The following LAMB1 variants were observed in gnomAD, a reference collection of about 807,000 sequenced individuals.
The protein encoded by LAMB1 is laminin subunit beta 1.
Under a neutral mutation model 222.3 loss-of-function variants are expected in LAMB1, and 121 were observed. The observed-to-expected ratio is 0.54, with a 90% CI of 0.47 to 0.63. The LOEUF is 0.63. Ranked by LOEUF, LAMB1 falls within the 30% of genes least tolerant of loss-of-function variation. The pLI, the probability that LAMB1 is intolerant of heterozygous loss-of-function variation, is 0.00. For synonymous variants in LAMB1, 794 were observed against 807.2 expected, an observed-to-expected ratio of 0.98 and a Z score of 0.28; for missense variants, 2,172 against 2,240.8, an observed-to-expected ratio of 0.97 and a Z score of 0.62.
intron 13 of LAMB1, among the ~76,000 whole-genome samples, chr7:107,968,296 T>C (rs182480362): frequency 3.5e-4 from 54 of 152,314 alleles, no homozygotes; most frequent in African/African-American, 1.3e-3. Context: ...TTCTTATGTA[T>C]TCTCTACAAA....
intron 22 of LAMB1, among the ~76,000 whole-genome samples, chr7:107,953,185 C>A (rs1043461264): frequency 6.6e-6 from 1 of 151,992 alleles, no homozygotes; most frequent in Non-Finnish European, 1.5e-5. Flanking sequence ...GGTGAAACCC[C>A]GTCTCTATTA....
chr7:107,998,443 G>A lies in LAMB1; in HGVS notation c.263C>T (p.Thr88Ile), dbSNP rs1354743094. 1 of 1,613,752 alleles carries A rather than the reference G, an allele frequency of 6.2e-7. No homozygotes were observed. Among genetic ancestry groups the A allele is most frequent in the Non-Finnish European group, 8.5e-7 (1 of 1,179,722 alleles). ...ICNSQDPYHETLNPDSHLIEN... is the reference protein window; with the variant it reads ...ICNSQDPYHEILNPDSHLIEN... Reference sequence around the variant, plus strand: ...AATGAGATGGCTGTCAGGATTCAGGGTCTCATGATAAGGATCTTGGGAATT... The same window carrying A: ...AATGAGATGGCTGTCAGGATTCAGGATCTCATGATAAGGATCTTGGGAATT... The change falls in exon 4 of 34, where the codon ACC (threonine) becomes ATC (isoleucine). Residue 88 changes from threonine to isoleucine, a missense_variant. Physicochemically the swap from Thr to Ile is moderately conservative, Grantham distance 89. Transcript: ENST00000222399.
chr7:107,950,731 C>T (rs933031869), intron 24 of LAMB1, among the ~76,000 whole-genome samples: 2 of 152,158 alleles, frequency 1.3e-5, no homozygotes, highest in African/African-American at 2.4e-5. Context: ...CTTAAACTGT[C>T]AACAGAGTCT....
chr7:107,995,593 ATCT>A (rs2034266765), intron 4 of LAMB1, among the ~76,000 whole-genome samples: 1 of 152,212 alleles, frequency 6.6e-6, no homozygotes, highest in South Asian at 2.1e-4. Context: ...AAATACTAAC[ATCT>A]TCTCTTTCAG....
chr7:107,938,323 TATAC>T (rs2032898828), intron 25 of LAMB1, among the ~76,000 whole-genome samples: 1 of 152,204 alleles, frequency 6.6e-6, no homozygotes, highest in African/African-American at 2.4e-5. Context: ...CTGAGGCTAA[TATAC>T]ATAGTTTCTT....
chr7:107,945,306 G>A (rs1392241511), intron 24 of LAMB1, among the ~76,000 whole-genome samples: 1 of 152,152 alleles, frequency 6.6e-6, no homozygotes, highest in Non-Finnish European at 1.5e-5. Flanking sequence ...TGCCACAATG[G>A]GAAATAGTCT....
rs530406589 is a variant in LAMB1 at position 107,964,741 on chromosome 7, C to T, written c.1563-54G>A. On this transcript the variant is annotated intron_variant, in intron 13 of 33. Coordinates refer to ENST00000222399, the MANE Select transcript of LAMB1 (RefSeq NM_002291.3). The stretch of plus-strand genomic sequence containing the variant: ...GAGTTCATGGTCACGCGAGTCAACC[C>T]GCCAGAAGCAGCTCTACAGCTGCCA... The T allele has an allele frequency of 5.0e-4, 806 of 1,602,194 alleles. 2 individuals are homozygous for T. The South Asian group carries it at 6.9e-3, about 14-fold the overall frequency.
At chr7:107,924,953 T>G (rs1425477346) in intron 32 of LAMB1, among the ~76,000 whole-genome samples, 2 of 152,216 alleles carry the variant, frequency 1.3e-5, no homozygotes, top group African/African-American at 4.8e-5. Context: ...TTATGGAAAT[T>G]TCATTTCAAG....
chr7:107,974,495 T>C (rs1241232768), intron 12 of LAMB1, among the ~76,000 whole-genome samples: 1 of 151,922 alleles, frequency 6.6e-6, no homozygotes, highest in Non-Finnish European at 1.5e-5. Flanking sequence ...TCTTCTGCTA[T>C]GATTAATAAA....
chr7:107,954,687 A>G (rs1282770253), intron 21 of LAMB1, among the ~76,000 whole-genome samples: 1 of 152,156 alleles, frequency 6.6e-6, no homozygotes, highest in Non-Finnish European at 1.5e-5. Flanking sequence ...GCTACTCGGG[A>G]GGCTGAGGCT....
chr7:107,944,745 A>G (rs1030742053), intron 24 of LAMB1, among the ~76,000 whole-genome samples: 9 of 152,234 alleles, frequency 5.9e-5, no homozygotes, highest in African/African-American at 2.2e-4. Context: ...AAACTCCCAC[A>G]CTCACGTGGC....
chr7:107,955,668 C>T (rs550918313), intron 20 of LAMB1, 38 bp from the exon 21 acceptor site: 3 of 1,564,512 alleles, frequency 1.9e-6, no homozygotes, highest in African/African-American at 1.4e-5. Context: ...CATGACCCCA[C>T]AGTTCTAAGA....
chr7:107,973,194 A>G lies in LAMB1; in HGVS notation c.1483-123T>C, dbSNP rs573165221. The G allele has an allele frequency of 3.3e-5, 27 of 807,100 alleles. No individual in the cohort carries two copies. In the East Asian group the frequency reaches 7.1e-4, roughly 21 times the overall value. The allele number at this position is 807,100 out of a possible 1,614,324, so 50.0% of individuals were successfully genotyped here. On this transcript the variant is annotated intron_variant, in intron 12 of 33. Coordinates refer to ENST00000222399, the MANE Select transcript of LAMB1 (RefSeq NM_002291.3). ...AAATGCTCATTTTCATCATTAAAGC[A>G]GAAAGCCAACAAAAGGAAGGAGTAT... is the stretch of plus-strand genomic sequence containing the variant.
intron 25 of LAMB1, among the ~76,000 whole-genome samples, chr7:107,937,565 C>T (rs1017560970): frequency 2.0e-5 from 3 of 152,176 alleles, no homozygotes; most frequent in Admixed American, 6.5e-5. Context: ...AAGATGAGCA[C>T]AGGTCAGAGT....
intron 18 of LAMB1, 136 bp from the exon 19 acceptor site, chr7:107,959,970 A>C (rs2033462059): frequency 8.2e-7 from 1 of 1,216,164 alleles, no homozygotes. Flanking sequence ...GATGAGCGGA[A>C]GGGAAGAAAG....
rs2033465004 is a variant in LAMB1 at position 107,960,088 on chromosome 7, CAGTGACCTTCAGAGGAT to C, written c.2315-271_2315-255del. On this transcript the variant is annotated intron_variant, in intron 18 of 33. Transcript: ENST00000222399. ...TATCACAGGACATTAGACCAAAGCC[CAGTGACCTTCAGAGGAT>C]GGTCTGACGTTTCAAAGAGAAAAAC... Among the ~76,000 whole-genome samples the C allele has an allele frequency of 2.0e-5, 3 of 152,274 alleles. No homozygotes were observed. The South Asian group carries it at 6.2e-4, about 32-fold the overall frequency.
chr7:107,960,375 CTGTACTTCA>C, intron 18 of LAMB1, 61 bp downstream of exon 18: 2 of 1,201,214 alleles, frequency 1.7e-6, no homozygotes, highest in Non-Finnish European at 2.5e-6. Context: ...GGGCACTCCA[CTGTACTTCA>C]TGTGCCAGAT....
At chr7:107,924,117 G>T in intron 33 of LAMB1, 30 bp from the exon 34 acceptor site, 1 of 1,522,674 alleles carries the variant, frequency 6.6e-7, no homozygotes, top group South Asian at 1.3e-5. Context: ...TATAAAGTCT[G>T]AGCAATTTAT....
chr7:107,962,190 C>A (rs2033519441), intron 15 of LAMB1, among the ~76,000 whole-genome samples: 1 of 152,192 alleles, frequency 6.6e-6, no homozygotes. Context: ...GTTTTGGTAG[C>A]CCTGGCTCGG....
Sources: gnomAD v4.1 joint callset for allele counts (sites outside exome capture counted in the v4.1 genomes callset) on GRCh38, gnomAD v4.1.1 for gene constraint, MANE v1.5 for transcripts, NCBI Gene and HGNC (gene_info 2026-07-23, HGNC 2026-07-21) for gene names.